Variants in ECE1 observed in about 807,000 individuals in gnomAD.
ECE1 encodes endothelin-converting enzyme 1.
ECE1 carries 35 observed loss-of-function variants against 98.6 expected under a neutral mutation model. The ratio of observed to expected loss-of-function variants is 0.35; its 90% CI spans 0.27 to 0.47. The LOEUF is 0.47. Ranked by LOEUF, ECE1 falls within the 20% of genes least tolerant of loss-of-function variation. The probability of loss-of-function intolerance (pLI) is 1.00; values close to 1 mark genes in which losing one functional copy is unlikely to be tolerated. For synonymous variants in ECE1, 394 were observed against 407.1 expected (o/e 0.97, Z 0.39); for missense variants, 814 against 1,025.3 (o/e 0.79, Z 2.81).
chr1:21,285,398 G>C (rs530737836), intron 2 of ECE1, among the ~76,000 whole-genome samples: 1 of 152,126 alleles, frequency 6.6e-6, no homozygotes, highest in Admixed American at 6.5e-5. Context: ...GGCTGATTGA[G>C]GTCCCAGGTG....
rs919257880 is a variant in ECE1, at chr1:21,260,517, G to A, written c.494-125C>T. On this transcript the variant is annotated intron_variant, in intron 4 of 18. Transcript: ENST00000374893. The surrounding 1 kb of genome is among the most constrained non-coding windows in gnomAD (Gnocchi z 4.3). ...AAAGGAGCTCTGACATCTGCCTGTCGGAGTGGCAGTGAGGAATGCCGTCAC... is the reference window on the plus strand; with the variant it reads ...AAAGGAGCTCTGACATCTGCCTGTCAGAGTGGCAGTGAGGAATGCCGTCAC... 1.4e-5 allele frequency: 18 copies of A among 1,249,464 alleles called. No homozygotes were observed. Among genetic ancestry groups the A allele is most frequent in the Admixed American group, 3.5e-5 (2 of 57,532 alleles). 77.4% of individuals were successfully genotyped at this position (1,249,464 alleles called of 1,614,324 possible).
chr1:21,318,802 C>G (rs143189720), intron 1 of ECE1, among the ~76,000 whole-genome samples: 1 of 152,076 alleles, frequency 6.6e-6, no homozygotes, highest in South Asian at 2.1e-4. Context: ...AAAAAGCGGA[C>G]GGGGGAGGGG....
chr1:21,261,423 A>G (rs1258179326), intron 4 of ECE1, among the ~76,000 whole-genome samples: 3 of 151,778 alleles, frequency 2.0e-5, no homozygotes, highest in Non-Finnish European at 4.4e-5. Context: ...GCCCTGTGTA[A>G]GCTGTGGGAC....
chr1:21,229,121 A>G (rs1446475302), intron 14 of ECE1, among the ~76,000 whole-genome samples: 1 of 152,078 alleles, frequency 6.6e-6, no homozygotes, highest in Non-Finnish European at 1.5e-5. Flanking sequence ...GATTACAGGC[A>G]TGAGCCACTG....
chr1:21,335,577 T>TG (rs1157701233), intron 1 of ECE1, among the ~76,000 whole-genome samples: 1 of 151,914 alleles, frequency 6.6e-6, no homozygotes, highest in African/African-American at 2.4e-5. Context: ...CCTCAGTGGG[T>TG]GGGGGGCTCT....
chr1:21,332,106 C>T (rs1249444006), intron 1 of ECE1, among the ~76,000 whole-genome samples: 3 of 152,182 alleles, frequency 2.0e-5, no homozygotes, highest in Admixed American at 2.0e-4. Flanking sequence ...ATCCTCAGCA[C>T]CCAGTGGTGT....
chr1:21,256,205 G>A, intron 7 of ECE1, 67 bp from the exon 8 acceptor site: 3 of 1,530,370 alleles, frequency 2.0e-6, no homozygotes, highest in Non-Finnish European at 2.6e-6. Context: ...AGAGTTGGTG[G>A]GGGGCTTGGC....
intron 18 of ECE1, among the ~76,000 whole-genome samples, chr1:21,221,334 T>G (rs2098167221): frequency 6.6e-6 from 1 of 151,540 alleles, no homozygotes; most frequent in Admixed American, 6.6e-5. Flanking sequence ...CATGCCTGAC[T>G]TTTTTTTTGT....
intron 10 of ECE1, 103 bp downstream of exon 10, chr1:21,244,886 A>G (rs1285779907): frequency 1.8e-6 from 2 of 1,106,616 alleles, no homozygotes; most frequent in African/African-American, 3.1e-5. Context: ...GGAAGCTTCT[A>G]CCCACCCCCA....
intron 2 of ECE1, among the ~76,000 whole-genome samples, chr1:21,282,588 G>GAA (rs34279756): frequency 0.088 from 10,528 of 120,036 alleles, 574 homozygotes; most frequent in Middle Eastern, 0.15. Flanking sequence ...ACGCTGTCTT[G>GAA]AAAAAAAAAA....
intron 4 of ECE1, among the ~76,000 whole-genome samples, chr1:21,269,520 C>T (rs551815344): frequency 4.6e-5 from 7 of 152,134 alleles, no homozygotes; most frequent in East Asian, 1.9e-4. Flanking sequence ...GGTGATGAGC[C>T]GAGGACCTAA....
Position 21,307,980 on chromosome 1 carries a change from C to A in ECE1, c.4-17824G>T, listed in dbSNP as rs1347250009. On this transcript the variant is annotated intron_variant, in intron 1 of 18. Coordinates refer to the ECE1 transcript ENST00000415912. The surrounding 1 kb of genome is among the most constrained non-coding windows in gnomAD (Gnocchi z 4.2). Reference sequence around the variant, plus strand: ...GGGTCACACGCCTTCTGGATCCCCCCAGAAGGTCTAGAATGGGGTCACCCC... The same window carrying A: ...GGGTCACACGCCTTCTGGATCCCCCAAGAAGGTCTAGAATGGGGTCACCCC... 2.0e-5 allele frequency among the ~76,000 whole-genome samples: 3 copies of A among 152,138 alleles called. No homozygotes were observed. The highest frequency in any genetic ancestry group is 7.2e-5 in the African/African-American group (3 of 41,422).
chr1:21,330,111 C>T (rs1639167190), intron 1 of ECE1, among the ~76,000 whole-genome samples: 1 of 149,556 alleles, frequency 6.7e-6, no homozygotes, highest in South Asian at 2.1e-4. Flanking sequence ...TTAAAGGCTC[C>T]TGCCCACATA....
At chr1:21,230,700 T>C (rs1404279909) in intron 14 of ECE1, among the ~76,000 whole-genome samples, 1 of 151,760 alleles carries the variant, frequency 6.6e-6, no homozygotes, top group African/African-American at 2.4e-5. Context: ...ATTCTTTCTA[T>C]ATATAAAAAC....
Position 21,219,784 on chromosome 1 carries a change from C to T in ECE1, c.*171G>A, listed in dbSNP as rs113340102. Reference sequence around the variant, plus strand: ...CGGCTCTTCACAGGGGATCAGACTGCGGGTCACGTTGAGAGCCAACACCAT... The same window carrying T: ...CGGCTCTTCACAGGGGATCAGACTGTGGGTCACGTTGAGAGCCAACACCAT... On this transcript the variant is annotated 3_prime_UTR_variant, in exon 19 of 19. Transcript: ENST00000374893. The surrounding 1 kb of genome is among the most constrained non-coding windows in gnomAD (Gnocchi z 4.5). 74 of 779,268 alleles carry T rather than the reference C, an allele frequency of 9.5e-5. No homozygotes were observed. Among genetic ancestry groups the T allele is most frequent in the African/African-American group, 1.7e-4 (10 of 58,686 alleles). The allele number at this position is 779,268 out of a possible 1,614,324, so 48.3% of individuals were successfully genotyped here.
intron 17 of ECE1, 95 bp from the exon 18 acceptor site, chr1:21,221,937 G>A: frequency 9.1e-7 from 1 of 1,103,514 alleles, no homozygotes. Flanking sequence ...CCCGTGTTGG[G>A]GCAAGGACTA....
intron 3 of ECE1, among the ~76,000 whole-genome samples, chr1:21,276,861 T>C (rs1400324751): frequency 6.6e-6 from 1 of 152,008 alleles, no homozygotes; most frequent in Non-Finnish European, 1.5e-5. Context: ...GGACTACAGT[T>C]GTGCGCCACC....
chr1:21,256,160 C>T (rs1203984157), intron 7 of ECE1, 22 bp from the exon 8 acceptor site: 1 of 1,585,370 alleles, frequency 6.3e-7, no homozygotes, highest in Non-Finnish European at 8.6e-7. Flanking sequence ...ATACCCCAAA[C>T]TGTCAGTGGC....
chr1:21,244,136 T>C (rs2098200104), intron 10 of ECE1, among the ~76,000 whole-genome samples: 1 of 152,164 alleles, frequency 6.6e-6, no homozygotes, highest in African/African-American at 2.4e-5. Flanking sequence ...TCTTGCTAGC[T>C]GCTGTCTGGG....
Sources: gnomAD v4.1 joint callset for allele counts (sites outside exome capture counted in the v4.1 genomes callset) on GRCh38, gnomAD v4.1.1 for gene constraint, Gnocchi (gnomAD v3.1) non-coding constraint, MANE v1.5 for transcripts, NCBI Gene and HGNC (gene_info 2026-07-23, HGNC 2026-07-21) for gene names.